CDC14A: variants seen among roughly 807,000 people sequenced by gnomAD.
CDC14A encodes dual specificity protein phosphatase CDC14A.
Under a neutral mutation model 74.4 loss-of-function variants are expected in CDC14A, and 53 were observed. The ratio of observed to expected loss-of-function variants is 0.71; its 90% CI spans 0.57 to 0.89. The LOEUF is 0.89. Ranked by LOEUF, CDC14A falls within the 40% of genes least tolerant of loss-of-function variation. The probability of loss-of-function intolerance (pLI) is 0.00; values close to 1 mark genes in which losing one functional copy is unlikely to be tolerated. For synonymous variants in CDC14A, 247 were observed against 258.4 expected (o/e 0.96, Z 0.43); for missense variants, 646 against 713.7 (o/e 0.91, Z 1.08).
At chr1:100,403,626 C>T (rs1291052406) in intron 4 of CDC14A, among the ~76,000 whole-genome samples, 1 of 152,232 alleles carries the variant, frequency 6.6e-6, no homozygotes. Context: ...TTGGGAAAAT[C>T]TGAGTTTGTT....
chr1:100,447,242 G>C (rs1198047342), intron 7 of CDC14A, among the ~76,000 whole-genome samples: 1 of 152,140 alleles, frequency 6.6e-6, no homozygotes, highest in Non-Finnish European at 1.5e-5. Context: ...GATACCTCAG[G>C]CTCTTGCTTT....
intron 10 of CDC14A, among the ~76,000 whole-genome samples, chr1:100,471,358 ACAAT>A (rs150514387): frequency 0.01 from 1,574 of 152,288 alleles, 22 homozygotes; most frequent in African/African-American, 0.03. Flanking sequence ...ACACAGGAGC[ACAAT>A]CAGTTGTAAT....
intron 15 of CDC14A, among the ~76,000 whole-genome samples, chr1:100,509,198 C>A (rs1209393286): frequency 1.3e-5 from 2 of 152,182 alleles, no homozygotes; most frequent in African/African-American, 4.8e-5. Context: ...CACCTCCTTT[C>A]CATCAGGAGT....
In CDC14A at chr1:100,352,944, T is replaced by A; in HGVS notation, c.-11T>A. On this transcript the variant is annotated 5_prime_UTR_variant, in exon 1 of 16. The change creates a premature stop within an existing upstream ORF in the 5' untranslated region. Coordinates refer to ENST00000336454, the MANE Select transcript of CDC14A (RefSeq NM_003672.4). ...ACGACCCAGCCCTCCCCCGTGCGTA[T>A]CTCGCTTAAGATGGCAGCGGAGTCA... 6.2e-7 allele frequency: 1 copy of A among 1,613,852 alleles called. No individual in the cohort carries two copies. Among genetic ancestry groups the A allele is most frequent in the Admixed American group, 1.7e-5 (1 of 60,028 alleles).
chr1:100,474,650 G>A (rs1035084122), intron 10 of CDC14A, among the ~76,000 whole-genome samples: 2 of 150,072 alleles, frequency 1.3e-5, no homozygotes, highest in African/African-American at 4.9e-5. Flanking sequence ...TGCAGAGCCT[G>A]TAGTGATTTT....
intron 2 of CDC14A, among the ~76,000 whole-genome samples, chr1:100,368,551 G>T (rs1653969706): frequency 6.6e-6 from 1 of 152,176 alleles, no homozygotes; most frequent in Admixed American, 6.5e-5. Flanking sequence ...GTAATGGTTA[G>T]TATGAAACTG....
chr1:100,394,902 A>C (rs1416944807), intron 4 of CDC14A, among the ~76,000 whole-genome samples: 1 of 152,250 alleles, frequency 6.6e-6, no homozygotes, highest in East Asian at 1.9e-4. Context: ...CATTATACAT[A>C]TATCTCAGTT....
At chr1:100,349,908 G>A (rs566747820), upstream of CDC14A, among the ~76,000 whole-genome samples, 12 of 151,936 alleles carry the variant, frequency 7.9e-5, no homozygotes, top group Middle Eastern at 3.4e-3. Flanking sequence ...GCAACCTCCC[G>A]AGTAGCTGGG....
chr1:100,395,020 A>C (rs1658275671), intron 4 of CDC14A, among the ~76,000 whole-genome samples: 1 of 152,218 alleles, frequency 6.6e-6, no homozygotes, highest in East Asian at 1.9e-4. Context: ...TGTAACTTAC[A>C]TGAGGCAAGC....
intron 2 of CDC14A, among the ~76,000 whole-genome samples, chr1:100,366,029 A>G (rs1168510815): frequency 2.6e-5 from 4 of 151,984 alleles, no homozygotes; most frequent in East Asian, 3.9e-4. Flanking sequence ...ATCACATTGT[A>G]ATAATGTCTT....
At chr1:100,353,360 A>AC (rs1192496959) in intron 1 of CDC14A, among the ~76,000 whole-genome samples, 1 of 150,200 alleles carries the variant, frequency 6.7e-6, no homozygotes, top group Non-Finnish European at 1.5e-5. Context: ...CCCCAACCAC[A>AC]CCCCCCAAGT....
rs1026099281 is a variant in CDC14A, at chr1:100,484,639, A to G, written c.1137+188A>G. ...AACCAATTGCCCTTAAAAAAAAAAA[A>G]GCTATAATTTAAGGAGTAAATTATA... is the stretch of plus-strand genomic sequence containing the variant. On this transcript the variant is annotated intron_variant, in intron 11 of 15. Transcript: ENST00000336454. 36 of 1,162,926 alleles carry G rather than the reference A, an allele frequency of 3.1e-5. No individual in the cohort carries two copies. In the African/African-American group the frequency reaches 4.9e-4, roughly 16 times the overall value. The allele number at this position is 1,162,926 out of a possible 1,614,324, so 72.0% of individuals were successfully genotyped here.
At chr1:100,469,382 G>A (rs1465010145) in intron 10 of CDC14A, among the ~76,000 whole-genome samples, 3 of 152,128 alleles carry the variant, frequency 2.0e-5, no homozygotes, top group Non-Finnish European at 4.4e-5. Flanking sequence ...AAATATCCAA[G>A]GACAGGATCA....
At chr1:100,480,428 A>G (rs659530) in intron 10 of CDC14A, among the ~76,000 whole-genome samples, 129,920 of 152,160 alleles carry the variant, frequency 0.85, 58,823 homozygotes, top group Non-Finnish European at 1. Flanking sequence ...CCTTTTGGTT[A>G]TTGTGAATAA....
At chr1:100,472,172 A>G (rs1417802631) in intron 10 of CDC14A, among the ~76,000 whole-genome samples, 1 of 152,206 alleles carries the variant, frequency 6.6e-6, no homozygotes, top group Admixed American at 6.5e-5. Context: ...GACATTTCAT[A>G]GAAGAGAATG....
intron 15 of CDC14A, among the ~76,000 whole-genome samples, chr1:100,512,600 A>G (rs929292844): frequency 2.6e-5 from 4 of 152,238 alleles, no homozygotes; most frequent in Non-Finnish European, 4.4e-5. Context: ...GGTGTCAACA[A>G]TCTGTCATCT....
intron 10 of CDC14A, among the ~76,000 whole-genome samples, chr1:100,483,115 G>C (rs919618201): frequency 2.6e-5 from 4 of 152,060 alleles, no homozygotes; most frequent in African/African-American, 9.7e-5. Flanking sequence ...TCAGTAATGG[G>C]ATTGCTGGGA....
intron 4 of CDC14A, among the ~76,000 whole-genome samples, chr1:100,418,648 A>G (rs1661848546): frequency 1.3e-5 from 2 of 152,084 alleles, no homozygotes; most frequent in Admixed American, 1.3e-4. Context: ...GAGTACGGTG[A>G]TAAGGGTTTG....
intron 3 of CDC14A, among the ~76,000 whole-genome samples, chr1:100,384,315 T>A (rs1236067624): frequency 6.6e-6 from 1 of 152,198 alleles, no homozygotes; most frequent in Non-Finnish European, 1.5e-5. Context: ...ATACAGAAAT[T>A]TCTATAGGTT....
Sources: gnomAD v4.1 joint callset for allele counts (sites outside exome capture counted in the v4.1 genomes callset) on GRCh38, gnomAD v4.1.1 for gene constraint, MANE v1.5 for transcripts, NCBI Gene and HGNC (gene_info 2026-07-23, HGNC 2026-07-21) for gene names.